Variants in GADL1 observed in about 807,000 individuals in gnomAD.
GADL1 encodes GAD like acidic amino acid decarboxylase 1.
A neutral mutation model predicts 69.5 loss-of-function variants in GADL1; 71 were observed. The ratio of observed to expected loss-of-function variants is 1.02; its 90% confidence interval spans 0.84 to 1.25. The LOEUF is 1.25. GADL1 is among the 50% of genes most tolerant of loss of function. The probability of loss-of-function intolerance (pLI) is 0.00; values close to 1 mark genes in which losing one functional copy is unlikely to be tolerated. For missense variants in GADL1, 737 were observed against 631.8 expected, an observed-to-expected ratio of 1.17 and a Z score of -1.79; for synonymous variants, 254 against 214.4, an observed-to-expected ratio of 1.18 and a Z score of -1.62.
chr3:30,849,256 G>A (rs552183587), intron 6 of GADL1, among the ~76,000 whole-genome samples: 31 of 152,260 alleles, frequency 2.0e-4, no homozygotes, highest in African/African-American at 7.0e-4. Flanking sequence ...AATCTGCCCA[G>A]CTATCTTGAG....
intron 12 of GADL1, among the ~76,000 whole-genome samples, chr3:30,795,356 G>A (rs1002200389): frequency 1.3e-5 from 2 of 152,140 alleles, no homozygotes; most frequent in Non-Finnish European, 2.9e-5. Flanking sequence ...TTAAGATTAT[G>A]ACTCACAGAA....
chr3:30,754,114 G>A (rs1304026751), intron 14 of GADL1, among the ~76,000 whole-genome samples: 1 of 152,204 alleles, frequency 6.6e-6, no homozygotes, highest in African/African-American at 2.4e-5. Flanking sequence ...GATTGCTAAT[G>A]TGCCTCCCAA....
intron 11 of GADL1, among the ~76,000 whole-genome samples, chr3:30,826,207 G>C (rs533338499): frequency 6.6e-6 from 1 of 151,984 alleles, no homozygotes; most frequent in African/African-American, 2.4e-5. Flanking sequence ...AAAACATTTA[G>C]TGTGTAAATA....
rs114447203 is a variant in GADL1 at position 30,755,120 on chromosome 3, C to T, written c.1392+23059G>A. On this transcript the variant is annotated intron_variant, in intron 14 of 14. Coordinates refer to ENST00000282538, the MANE Select transcript of GADL1 (RefSeq NM_207359.3). ...CATAGAGAAAATTAGCCAGTTAAAG[C>T]TGACTTGGGACTCTATAGTGAATGT... is the stretch of plus-strand genomic sequence containing the variant. 5.4e-3 allele frequency among the ~76,000 whole-genome samples: 802 copies of T among 149,084 alleles called. 10 individuals carry two copies. The highest frequency in any genetic ancestry group is 0.02 in the African/African-American group (769 of 38,496).
At chr3:30,757,450 T>C (rs1437761370) in intron 14 of GADL1, among the ~76,000 whole-genome samples, 1 of 151,946 alleles carries the variant, frequency 6.6e-6, no homozygotes, top group Non-Finnish European at 1.5e-5. Flanking sequence ...ATTAAAGACA[T>C]GAAAGGGAAA....
chr3:30,771,786 TAC>T (rs1017142445), intron 14 of GADL1, among the ~76,000 whole-genome samples: 6 of 152,268 alleles, frequency 3.9e-5, no homozygotes, highest in South Asian at 2.1e-4. Flanking sequence ...TTCTGAAAAA[TAC>T]ACAGCTTTCA....
chr3:30,822,786 A>G (rs1697608304), intron 11 of GADL1, among the ~76,000 whole-genome samples: 1 of 152,020 alleles, frequency 6.6e-6, no homozygotes, highest in African/African-American at 2.4e-5. Context: ...TTTTATTTAC[A>G]TTCTCCAACT....
At chr3:30,893,637 T>A (rs964679406) in intron 1 of GADL1, among the ~76,000 whole-genome samples, 1 of 152,148 alleles carries the variant, frequency 6.6e-6, no homozygotes, top group African/African-American at 2.4e-5. Context: ...AGTTTTAAAG[T>A]TTTTTTAAAA....
intron 1 of GADL1, among the ~76,000 whole-genome samples, chr3:30,882,022 T>C (rs1698649396): frequency 6.6e-6 from 1 of 151,936 alleles, no homozygotes; most frequent in South Asian, 2.1e-4. Flanking sequence ...AATTGTTTAT[T>C]ATAAATTACC....
At chr3:30,791,335 A>G (rs1696909617) in intron 12 of GADL1, among the ~76,000 whole-genome samples, 1 of 152,140 alleles carries the variant, frequency 6.6e-6, no homozygotes, top group Admixed American at 6.6e-5. Flanking sequence ...CCTATGAAGA[A>G]AGCTTTCTCC....
intron 9 of GADL1, among the ~76,000 whole-genome samples, chr3:30,837,949 C>T (rs1458860566): frequency 1.3e-5 from 2 of 152,072 alleles, no homozygotes; most frequent in South Asian, 2.1e-4. Flanking sequence ...ACTACTGTTG[C>T]TTTTACAAAT....
At chr3:30,848,947 T>TTG (rs1247630252) in intron 6 of GADL1, among the ~76,000 whole-genome samples, 1 of 152,100 alleles carries the variant, frequency 6.6e-6, no homozygotes, top group Non-Finnish European at 1.5e-5. Flanking sequence ...CCCCATGAGG[T>TTG]TGTGGGGTCT....
At chr3:30,825,464 C>G (rs1474727324) in intron 11 of GADL1, among the ~76,000 whole-genome samples, 1 of 151,936 alleles carries the variant, frequency 6.6e-6, no homozygotes, top group Non-Finnish European at 1.5e-5. Flanking sequence ...AATTGACTCC[C>G]TGTAATCTTT....
At chr3:30,791,784 C>G (rs1244535637) in intron 12 of GADL1, among the ~76,000 whole-genome samples, 1 of 151,930 alleles carries the variant, frequency 6.6e-6, no homozygotes, top group Admixed American at 6.6e-5. Flanking sequence ...ATGGGAGGGA[C>G]CTGGTAGGAG....
chr3:30,790,909 C>T (rs1041084099), intron 12 of GADL1, among the ~76,000 whole-genome samples: 3 of 151,884 alleles, frequency 2.0e-5, no homozygotes, highest in African/African-American at 7.3e-5. Context: ...TGAATTATAT[C>T]CACTTAAAGC....
At chr3:30,752,281 A>G (rs1013263573) in intron 14 of GADL1, among the ~76,000 whole-genome samples, 1 of 152,110 alleles carries the variant, frequency 6.6e-6, no homozygotes, top group Non-Finnish European at 1.5e-5. Context: ...GGCTGGCACG[A>G]AACACAGCTT....
intron 1 of GADL1, among the ~76,000 whole-genome samples, chr3:30,880,104 C>A (rs577993562): frequency 6.6e-6 from 1 of 151,902 alleles, no homozygotes; most frequent in South Asian, 2.1e-4. Context: ...CAGTCCTCTG[C>A]CTCTGAGTTA....
chr3:30,797,631 GC>G (rs1697066240), intron 12 of GADL1: 2 of 151,732 alleles, frequency 1.3e-5, no homozygotes, highest in Admixed American at 1.3e-4. Flanking sequence ...ATGCTATTAG[GC>G]TAGATTTGTT....
At chr3:30,807,666 C>G (rs941501172) in intron 11 of GADL1, among the ~76,000 whole-genome samples, 1 of 152,114 alleles carries the variant, frequency 6.6e-6, no homozygotes, top group Non-Finnish European at 1.5e-5. Flanking sequence ...TTTCCTTAAG[C>G]AAAGAGGGAA....
Sources: allele counts gnomAD v4.1 joint callset (sites outside exome capture counted in the v4.1 genomes callset), GRCh38; gene constraint gnomAD v4.1.1; transcripts MANE v1.5; gene names NCBI Gene and HGNC (gene_info 2026-07-23, HGNC 2026-07-21).